The following EMP3 variants were observed in gnomAD, a reference collection of about 807,000 sequenced individuals.
EMP3 encodes epithelial membrane protein 3 (MAM blood group), also known as epithelial membrane protein 3.
EMP3 carries 15 observed loss-of-function variants against 21.6 expected under a neutral mutation model. The ratio of observed to expected loss-of-function variants is 0.69; its 90% CI spans 0.46 to 1.07. The LOEUF is 1.07. Among genes scored for constraint, EMP3 ranks in the 50% least tolerant of loss-of-function variants. The probability of loss-of-function intolerance (pLI) is 0.00; values close to 1 mark genes in which losing one functional copy is unlikely to be tolerated. For missense variants in EMP3, 183 were observed against 206.6 expected, an observed-to-expected ratio of 0.89 and a Z score of 0.70; for synonymous variants, 107 against 86.1, an observed-to-expected ratio of 1.24 and a Z score of -1.34.
intron 4 of EMP3, among the ~76,000 whole-genome samples, chr19:48,330,047 GTTTGGCT>G (rs955112822): frequency 1.3e-5 from 2 of 152,202 alleles, no homozygotes; most frequent in African/African-American, 4.8e-5. Context: ...ACTACTGCAT[GTTTGGCT>G]TATAGAAACA....
Position 48,330,463 on chromosome 19 carries a change from G to A in EMP3, c.485G>A (p.Arg162Gln), listed in dbSNP as rs147560109. 70 of 1,579,502 alleles carry A rather than the reference G, an allele frequency of 4.4e-5. No homozygotes were observed. Among genetic ancestry groups the A allele is most frequent in the Non-Finnish European group, 2.5e-5 (29 of 1,166,712 alleles). The change falls in exon 5 of 5, where the codon CGG (arginine) becomes CAG (glutamine). Residue 162 changes from arginine to glutamine, a missense_variant. By Grantham distance (43) the Arg-to-Gln change is conservative. Coordinates refer to ENST00000270221, the MANE Select transcript of EMP3 (RefSeq NM_001425.3). ...ATCATCTACATCCACCTACGGAAGC[G>A]GGAGTGAGCGCCCCGCCTCGCTCGG... Reference protein sequence around the residue: ...SGIIYIHLRKRE With the variant: ...SGIIYIHLRKQE
rs1472902830 is a variant in EMP3, at chr19:48,326,933, T to C, written c.78+11T>C. 6.2e-7 allele frequency: 1 copy of C among 1,613,104 alleles called. No individual in the cohort carries two copies. Among genetic ancestry groups the C allele is most frequent in the Non-Finnish European group, 8.5e-7 (1 of 1,179,058 alleles). On this transcript the variant is annotated intron_variant, in intron 2 of 4. Transcript: ENST00000270221. ...GCCACTTTGGACAAGGTAAGCCTAC[T>C]TGGAGCTCAGGGCCCTTCTGTTCCC... is the stretch of plus-strand genomic sequence containing the variant.
At position 48,325,577 on chromosome 19, in the gene EMP3, C is replaced by A. The variant is rs890120576; in HGVS notation, c.-49C>A. On this transcript the variant is annotated 5_prime_UTR_variant, in exon 1 of 5. Coordinates refer to ENST00000270221, the MANE Select transcript of EMP3 (RefSeq NM_001425.3). Reference sequence around the variant, plus strand: ...GGAGGCCCGAGCGAGGGACAAGACTCCGACTCCAGCTCTGACTTTTTTCGC... The same window carrying A: ...GGAGGCCCGAGCGAGGGACAAGACTACGACTCCAGCTCTGACTTTTTTCGC... The A allele has an allele frequency of 6.6e-6, 1 of 152,028 alleles. No homozygotes were observed. Among genetic ancestry groups the A allele is most frequent in the Non-Finnish European group, 1.5e-5 (1 of 68,038 alleles). The allele number at this position is 152,028 out of a possible 1,614,324, so 9.4% of individuals were successfully genotyped here. A position where few individuals can be genotyped will look rare whatever the true frequency, so the allele number is the denominator to read the frequency against.
intron 3 of EMP3, among the ~76,000 whole-genome samples, chr19:48,328,084 G>A (rs1284033637): frequency 1.3e-5 from 2 of 152,078 alleles, no homozygotes; most frequent in African/African-American, 4.8e-5. Context: ...GAGATTACAG[G>A]CGTGAGCCAC....
chr19:48,326,881 A>T lies in EMP3; in HGVS notation c.37A>T (p.Ile13Phe). Residue 13 changes from isoleucine to phenylalanine, a missense_variant, in exon 2 of 5, where the codon ATC (isoleucine) becomes TTC (phenylalanine). Physicochemically the swap from Ile to Phe is conservative, Grantham distance 21. Coordinates refer to ENST00000270221, the MANE Select transcript of EMP3 (RefSeq NM_001425.3). ...LLLLVVSALHILILILLFVAT... is the reference protein window; with the variant it reads ...LLLLVVSALHFLILILLFVAT... The stretch of plus-strand genomic sequence containing the variant: ...CTTGCTGGTGGTCTCAGCCCTTCAC[A>T]TCCTCATTCTTATACTGCTTTTCGT... 6.2e-7 allele frequency: 1 copy of T among 1,613,398 alleles called. No individual in the cohort carries two copies. Among genetic ancestry groups the T allele is most frequent in the Non-Finnish European group, 8.5e-7 (1 of 1,179,806 alleles).
At position 48,327,566 on chromosome 19, in the gene EMP3, G is replaced by T; in HGVS notation, c.124G>T (p.Asp42Tyr). ...PGKESLNLWY[D>Y]CTWNNDTKTW... ...GAAAGAGTCCCTGAATCTCTGGTACGACTGCACGTGGAACAACGACACCAA... is the reference window on the plus strand; with the variant it reads ...GAAAGAGTCCCTGAATCTCTGGTACTACTGCACGTGGAACAACGACACCAA... The change falls in exon 3 of 5, where the codon GAC becomes TAC. Residue 42 changes from aspartate (D) to tyrosine (Y), a missense_variant. Transcript: ENST00000270221. The T allele has an allele frequency of 6.2e-7, 1 of 1,613,828 alleles. No individual in the cohort carries two copies. The highest frequency in any genetic ancestry group is 1.1e-5 in the South Asian group (1 of 91,006).
chr19:48,327,774 T>G, intron 3 of EMP3, 151 bp downstream of exon 3: 1 of 646,282 alleles, frequency 1.5e-6, no homozygotes. Flanking sequence ...CTAATGCATG[T>G]CCCGCCTGTC....
At chr19:48,327,899 C>T (rs928925141) in intron 3 of EMP3, 26 of 387,682 alleles carry the variant, frequency 6.7e-5, no homozygotes, top group African/African-American at 4.1e-4. Flanking sequence ...CCTCTCCCTC[C>T]GGGGTCCGAG....
Position 48,329,458 on chromosome 19 carries a change from C to A in EMP3, c.288C>A (p.Leu96=), listed in dbSNP as rs1044391. ...FQLYTMRRGG[L]FYATGLCQLC... ...TCTACACCATGCGACGAGGAGGTCT[C>A]TTCTATGCCACCGGCCTCTGCCAGC... is the stretch of plus-strand genomic sequence containing the variant. The change falls in exon 4 of 5, where the codon CTC becomes CTA. Residue 96 remains leucine (L), a synonymous_variant. Coordinates refer to ENST00000270221, the MANE Select transcript of EMP3 (RefSeq NM_001425.3). The surrounding 1 kb of genome is among the most constrained non-coding windows in gnomAD (Gnocchi z 4.5). The A allele has an allele frequency of 6.2e-7, 1 of 1,614,156 alleles. No homozygotes were observed. Among genetic ancestry groups the A allele is most frequent in the South Asian group, 1.1e-5 (1 of 91,082 alleles).
Position 48,330,518 on chromosome 19 carries a change from C to T in EMP3, c.*48C>T. 6.7e-7 allele frequency: 1 copy of T among 1,496,070 alleles called. No homozygotes were observed. The allele number at this position is 1,496,070 out of a possible 1,614,324, so 92.7% of individuals were successfully genotyped here. A position where few individuals can be genotyped will look rare whatever the true frequency, so the allele number is the denominator to read the frequency against. ...CCCCGCCCCTTCCCGGCCCCCCTCGCCGCGCGTCCTCCAAAAAATAAAACC... is the reference window on the plus strand; with the variant it reads ...CCCCGCCCCTTCCCGGCCCCCCTCGTCGCGCGTCCTCCAAAAAATAAAACC... On this transcript the variant is annotated 3_prime_UTR_variant, in exon 5 of 5. Coordinates refer to ENST00000270221, the MANE Select transcript of EMP3 (RefSeq NM_001425.3).
rs199699923 is a variant in EMP3, at chr19:48,329,392, C to T, written c.222C>T (p.Leu74=). The T allele has an allele frequency of 1.9e-5, 31 of 1,614,010 alleles. No homozygotes were observed. The highest frequency in any genetic ancestry group is 2.3e-5 in the Non-Finnish European group (27 of 1,180,042). ...TGCAGGTCCTCATGGTGCTCTCCCT[C>T]ATTCTCTGCTGTCTCTCCTTCATCC... ...KAVQVLMVLS[L]ILCCLSFILF... The change falls in exon 4 of 5, where the codon CTC becomes CTT. Residue 74 remains leucine (L), a synonymous_variant. Transcript: ENST00000270221. This position sits in a 1 kb window ranked among gnomAD's most constrained non-coding sequence, Gnocchi z 4.5.
intron 1 of EMP3, among the ~76,000 whole-genome samples, chr19:48,326,583 T>G (rs1969125637): frequency 6.6e-6 from 1 of 151,604 alleles, no homozygotes; most frequent in Non-Finnish European, 1.5e-5. Flanking sequence ...CTTTGCCTCC[T>G]GGATTCCAGT....
chr19:48,330,268 C>T (rs373831214), intron 4 of EMP3, 33 bp from the exon 5 acceptor site: 6 of 1,534,492 alleles, frequency 3.9e-6, no homozygotes, highest in Non-Finnish European at 4.4e-6. Flanking sequence ...CTTGAGGGGG[C>T]ACTGCATGAC....
chr19:48,327,710 C>A, intron 3 of EMP3, 87 bp downstream of exon 3: 1 of 1,335,334 alleles, frequency 7.5e-7, no homozygotes, highest in East Asian at 2.5e-5. Context: ...GGAACCCTCC[C>A]CCAACAAAGT....
In EMP3 at chr19:48,329,962, A is replaced by G. The variant is rs1164945652; in HGVS notation, c.323-339A>G. Among the ~76,000 whole-genome samples, 1 of 152,204 alleles carries G rather than the reference A, an allele frequency of 6.6e-6. No homozygotes were observed. Among genetic ancestry groups the G allele is most frequent in the African/African-American group, 2.4e-5 (1 of 41,442 alleles). ...TTTAATTTTTTGACTTAAGGTGCAA[A>G]GGGCTAACTTAATCACAGTCAGTTT... On this transcript the variant is annotated intron_variant, in intron 4 of 4. Coordinates refer to ENST00000270221, the MANE Select transcript of EMP3 (RefSeq NM_001425.3). The surrounding 1 kb of genome is among the most constrained non-coding windows in gnomAD (Gnocchi z 4.5).
chr19:48,327,058 G>GA, intron 2 of EMP3, 136 bp downstream of exon 2: 1 of 773,658 alleles, frequency 1.3e-6, no homozygotes, highest in Non-Finnish European at 2.1e-6. Context: ...TTGAGACAAG[G>GA]GTCTCACTCT....
Position 48,330,473 on chromosome 19 carries a change from G to T in EMP3, c.*3G>T, listed in dbSNP as rs199576440. ...TCCACCTACGGAAGCGGGAGTGAGCGCCCCGCCTCGCTCGGCTGCCCCCGC... is the reference window on the plus strand; with the variant it reads ...TCCACCTACGGAAGCGGGAGTGAGCTCCCCGCCTCGCTCGGCTGCCCCCGC... On this transcript the variant is annotated 3_prime_UTR_variant, in exon 5 of 5. Coordinates refer to ENST00000270221, the MANE Select transcript of EMP3 (RefSeq NM_001425.3). 1.3e-6 allele frequency: 2 copies of T among 1,573,876 alleles called. No individual in the cohort carries two copies. The highest frequency in any genetic ancestry group is 1.9e-5 in the Admixed American group (1 of 52,678).
intron 2 of EMP3, 68 bp from the exon 3 acceptor site, chr19:48,327,453 A>T: frequency 8.5e-7 from 1 of 1,180,288 alleles, no homozygotes. Context: ...CCCTTCCCAC[A>T]GTCTGCCTGA....
rs200740787 is a variant in EMP3, at chr19:48,329,508, C to G, written c.322+16C>G. 5.9e-5 allele frequency: 95 copies of G among 1,613,820 alleles called. No homozygotes were observed. Among genetic ancestry groups the G allele is most frequent in the East Asian group, 5.3e-4 (24 of 44,876 alleles). ...CTTTGCACCAGTGAGCACTGCCCCT[C>G]CCCAACCCTAATCCCCCAAGAATTG... On this transcript the variant is annotated intron_variant, in intron 4 of 4. Coordinates refer to ENST00000270221, the MANE Select transcript of EMP3 (RefSeq NM_001425.3). This position sits in a 1 kb window ranked among gnomAD's most constrained non-coding sequence, Gnocchi z 4.5.
Sources: allele counts gnomAD v4.1 joint callset (sites outside exome capture counted in the v4.1 genomes callset), GRCh38; gene constraint gnomAD v4.1.1; non-coding constraint Gnocchi (gnomAD v3.1); transcripts MANE v1.5; gene names NCBI Gene and HGNC (gene_info 2026-07-23, HGNC 2026-07-21).